The following RNF17 variants were observed in gnomAD, a reference collection of about 807,000 sequenced individuals.
RNF17 encodes ring finger protein 17, also known as spermatogenesis associated 23.
Under a neutral mutation model 200.5 loss-of-function variants are expected in RNF17, and 31 were observed. That is an observed-to-expected ratio of 0.15 (90% CI 0.12 to 0.21). RNF17 has a LOEUF of 0.21. Among genes scored for constraint, RNF17 ranks in the 10% least tolerant of loss-of-function variants. The pLI is 1.00. For missense variants in RNF17, 1,628 were observed against 1,905.1 expected, an observed-to-expected ratio of 0.85 and a Z score of 2.71; for synonymous variants, 606 against 637.8, an observed-to-expected ratio of 0.95 and a Z score of 0.75.
Position 24,854,122 on chromosome 13 carries a change from A to G in RNF17, c.3588A>G (p.Ile1196Met), listed in dbSNP as rs1425770832. ...GCTGTGTTGGTGATGATGGAACTAT[A>G]TTTGTAGTACCTAAACTATCAGGTG... is the stretch of plus-strand genomic sequence containing the variant. ...TVSCVGDDGT[I>M]FVVPKLSEFE... The change falls in exon 25 of 36, where the codon ATA becomes ATG. Residue 1196 changes from isoleucine (I) to methionine (M), a missense_variant. By Grantham distance (10) the Ile-to-Met change is conservative. Coordinates refer to ENST00000255324, the MANE Select transcript of RNF17 (RefSeq NM_031277.3). 6.2e-7 allele frequency: 1 copy of G among 1,613,188 alleles called. No individual in the cohort carries two copies. The highest frequency in any genetic ancestry group is 2.2e-5 in the East Asian group (1 of 44,848).
At chr13:24,815,728 G>C (rs1485687275) in intron 15 of RNF17, among the ~76,000 whole-genome samples, 2 of 152,118 alleles carry the variant, frequency 1.3e-5, no homozygotes, top group Non-Finnish European at 2.9e-5. Context: ...CCTTTACCAT[G>C]TTGAGTAAGT....
chr13:24,800,408 A>G lies in RNF17; in HGVS notation c.1632A>G (p.Gln544=), dbSNP rs775015679. The part of the protein sequence containing the change: ...THVRPEHSAK[Q]HIALNDLCLV... Reference sequence around the variant, plus strand: ...TGAGACCAGAACACTCTGCTAAGCAACATATTGCACTAAATGATTTATGTC... The same window carrying G: ...TGAGACCAGAACACTCTGCTAAGCAGCATATTGCACTAAATGATTTATGTC... Residue 544 remains glutamine (Q), a synonymous_variant, in exon 13 of 36, where the codon CAA becomes CAG. Coordinates refer to ENST00000255324, the MANE Select transcript of RNF17 (RefSeq NM_031277.3). 1 of 1,612,274 alleles carries G rather than the reference A, an allele frequency of 6.2e-7. No homozygotes were observed. Among genetic ancestry groups the G allele is most frequent in the East Asian group, 2.2e-5 (1 of 44,812 alleles).
At chr13:24,876,107 TAAGA>T (rs777776472) in intron 33 of RNF17, among the ~76,000 whole-genome samples, 22 of 152,182 alleles carry the variant, frequency 1.4e-4, no homozygotes, top group East Asian at 1.3e-3. Context: ...GTTAATAATG[TAAGA>T]AAGATCACAT....
Position 24,851,547 on chromosome 13 carries a change from A to G in RNF17, c.3296A>G (p.Lys1099Arg), listed in dbSNP as rs746632051. ...GATGTTTCTAAATATTTGATTAAAA[A>G]GGGTTTGGCTTTGAGAGAAAGGAGG... Reference protein sequence around the residue: ...RVDVSKYLIKKGLALRERRIN... With the variant: ...RVDVSKYLIKRGLALRERRIN... The change falls in exon 24 of 36, where the codon AAG becomes AGG. Residue 1099 changes from lysine (K) to arginine (R), a missense_variant. Coordinates refer to ENST00000255324, the MANE Select transcript of RNF17 (RefSeq NM_031277.3). The G allele has an allele frequency of 6.2e-7, 1 of 1,611,662 alleles. No individual in the cohort carries two copies. The highest frequency in any genetic ancestry group is 1.7e-5 in the Admixed American group (1 of 59,406).
At chr13:24,884,030 T>C (rs1188721610), downstream of RNF17, 1 of 1,614,094 alleles carries the variant, frequency 6.2e-7, no homozygotes, top group Admixed American at 1.7e-5. Context: ...AATAAGTTTT[T>C]AACAGTCTGG....
the RNF17 span, among the ~76,000 whole-genome samples, chr13:24,753,164 A>C: frequency 4.6e-5 from 7 of 152,216 alleles, no homozygotes; most frequent in African/African-American, 1.7e-4. Context: ...GATGCTAAAA[A>C]AGAAGGTTCT....
At chr13:24,758,985 C>T in the RNF17 span, among the ~76,000 whole-genome samples, 1 of 144,806 alleles carries the variant, frequency 6.9e-6, no homozygotes, top group South Asian at 2.2e-4. Flanking sequence ...GAGGCTGAGC[C>T]AGGGGAATCA....
chr13:24,859,401 C>G (rs1892853455), intron 26 of RNF17, among the ~76,000 whole-genome samples: 1 of 151,958 alleles, frequency 6.6e-6, no homozygotes, highest in Admixed American at 6.6e-5. Context: ...ATGGATAGAC[C>G]TCTTAGTTGT....
chr13:24,886,453 C>A, the RNF17 span: 1 of 832,948 alleles, frequency 1.2e-6, no homozygotes, highest in Non-Finnish European at 1.7e-6. Context: ...AACTGCCACA[C>A]ATCAGCAATT....
At chr13:24,884,443 A>C, downstream of RNF17, 1 of 1,614,152 alleles carries the variant, frequency 6.2e-7, no homozygotes, top group Non-Finnish European at 8.5e-7. Context: ...CACGGCACCC[A>C]TTCTTATAAA....
intron 1 of RNF17, among the ~76,000 whole-genome samples, chr13:24,765,710 G>A (rs1257983377): frequency 5.9e-5 from 9 of 152,220 alleles, no homozygotes; most frequent in Non-Finnish European, 1.3e-4. Flanking sequence ...AACTGGAGAA[G>A]TAGTGGTTAT....
chr13:24,880,219 T>C (rs1182335289), downstream of RNF17, among the ~76,000 whole-genome samples: 3 of 152,158 alleles, frequency 2.0e-5, no homozygotes, highest in Non-Finnish European at 4.4e-5. Context: ...CAAGTCACCT[T>C]CTTCACAAGG....
the RNF17 span, among the ~76,000 whole-genome samples, chr13:24,759,079 CAAAAAAAA>C: frequency 4.6e-5 from 3 of 65,368 alleles, no homozygotes; most frequent in African/African-American, 1.9e-4. Context: ...ACTGTGTCTC[CAAAAAAAA>C]AAAAAAAAAA....
chr13:24,835,541 C>T (rs1889893976), intron 18 of RNF17, among the ~76,000 whole-genome samples: 1 of 152,182 alleles, frequency 6.6e-6, no homozygotes, highest in South Asian at 2.1e-4. Flanking sequence ...ACCAGGTAGA[C>T]TCTCTGGGTG....
At chr13:24,857,287 T>C (rs1892612505) in intron 25 of RNF17, among the ~76,000 whole-genome samples, 2 of 152,116 alleles carry the variant, frequency 1.3e-5, no homozygotes, top group Admixed American at 1.3e-4. Context: ...TCCTTGAGAA[T>C]ATAAAAATCC....
chr13:24,841,985 A>G (rs1385511941), intron 18 of RNF17, 56 bp from the exon 19 acceptor site: 32 of 1,518,102 alleles, frequency 2.1e-5, no homozygotes, highest in Non-Finnish European at 2.8e-5. Flanking sequence ...AAATTGCCTC[A>G]TTTACTATAT....
intron 15 of RNF17, among the ~76,000 whole-genome samples, chr13:24,818,324 C>T (rs1011754688): frequency 2.6e-5 from 4 of 151,784 alleles, no homozygotes; most frequent in African/African-American, 9.7e-5. Flanking sequence ...TTCTAAGTGG[C>T]CTTGTAGGAA....
chr13:24,785,805 AC>A (rs1175328949), intron 6 of RNF17, among the ~76,000 whole-genome samples: 2 of 152,186 alleles, frequency 1.3e-5, no homozygotes, highest in African/African-American at 4.8e-5. Flanking sequence ...TATAATTGTT[AC>A]ATTAAAGTCT....
chr13:24,881,724 T>C (rs955142325), downstream of RNF17, among the ~76,000 whole-genome samples: 1 of 147,996 alleles, frequency 6.8e-6, no homozygotes, highest in African/African-American at 2.5e-5. Context: ...CAGATATATC[T>C]ATCTAGATTA....
Sources: allele counts gnomAD v4.1 joint callset (sites outside exome capture counted in the v4.1 genomes callset), GRCh38; gene constraint gnomAD v4.1.1; transcripts MANE v1.5; gene names NCBI Gene and HGNC (gene_info 2026-07-23, HGNC 2026-07-21).